PSME4: variants seen among roughly 807,000 people sequenced by gnomAD.
PSME4 encodes proteasome activator complex subunit 4.
A neutral mutation model predicts 253.9 loss-of-function variants in PSME4; 89 were observed. That is an observed-to-expected ratio of 0.35 (90% confidence interval 0.30 to 0.42). The LOEUF is 0.42. Among genes scored for constraint, PSME4 ranks in the 10% least tolerant of loss-of-function variants. The probability of loss-of-function intolerance (pLI) is 1.00; values close to 1 mark genes in which losing one functional copy is unlikely to be tolerated. For synonymous variants in PSME4, 851 were observed against 759.2 expected, an observed-to-expected ratio of 1.12 and a Z score of -1.99; for missense variants, 2,014 against 2,195.2, an observed-to-expected ratio of 0.92 and a Z score of 1.65.
At chr2:53,934,838 G>T in intron 7 of PSME4, 111 bp from the exon 8 acceptor site, 7 of 842,472 alleles carry the variant, frequency 8.3e-6, no homozygotes, top group Non-Finnish European at 1.2e-5. Flanking sequence ...TTATCACAAG[G>T]GTTTTTAAGT....
intron 10 of PSME4, among the ~76,000 whole-genome samples, chr2:53,930,936 A>C (rs1022560974): frequency 6.6e-6 from 1 of 152,176 alleles, no homozygotes; most frequent in African/African-American, 2.4e-5. Context: ...GTACAACAGA[A>C]AGCTTAAGTA....
At chr2:53,966,692 A>T (rs1294386861) in intron 1 of PSME4, among the ~76,000 whole-genome samples, 1 of 152,068 alleles carries the variant, frequency 6.6e-6, no homozygotes, top group African/African-American at 2.4e-5. Flanking sequence ...GGCAAAATCA[A>T]GTTTTTTGGG....
At chr2:53,890,254 C>G (rs770145390) in intron 36 of PSME4, 46 bp from the exon 37 acceptor site, 20 of 1,273,158 alleles carry the variant, frequency 1.6e-5, no homozygotes, top group Non-Finnish European at 2.1e-5. Flanking sequence ...ACACTCAGAA[C>G]ATTTTTCTTC....
intron 11 of PSME4, 44 bp from the exon 12 acceptor site, chr2:53,927,527 T>A: frequency 7.6e-7 from 1 of 1,319,104 alleles, no homozygotes; most frequent in Non-Finnish European, 1.1e-6. Flanking sequence ...ATAATTCTAA[T>A]TCAGAAATAC....
At chr2:53,879,546 A>C (rs1208349273) in intron 41 of PSME4, among the ~76,000 whole-genome samples, 2 of 152,202 alleles carry the variant, frequency 1.3e-5, no homozygotes, top group Non-Finnish European at 2.9e-5. Context: ...AACAGGAACC[A>C]AGAGTTTTCA....
intron 32 of PSME4, among the ~76,000 whole-genome samples, chr2:53,896,455 A>T (rs1299082902): frequency 6.6e-6 from 1 of 152,214 alleles, no homozygotes; most frequent in Non-Finnish European, 1.5e-5. Flanking sequence ...CTGGTAATAC[A>T]ATAAGGTATG....
intron 20 of PSME4, among the ~76,000 whole-genome samples, chr2:53,914,741 C>T (rs1667981377): frequency 1.3e-5 from 2 of 152,074 alleles, no homozygotes; most frequent in South Asian, 4.1e-4. Context: ...ATTAGCCGGG[C>T]ATGGTGGCAC....
chr2:53,892,562 T>C (rs1679957626), intron 36 of PSME4, among the ~76,000 whole-genome samples: 1 of 152,216 alleles, frequency 6.6e-6, no homozygotes, highest in South Asian at 2.1e-4. Context: ...TGGAATTCTT[T>C]TTTAATTTTT....
Position 53,921,628 on chromosome 2 carries a change from G to T in PSME4, c.2047-524C>A, listed in dbSNP as rs187002010. ...TCACGCCTGTAATCCCAGCACTTTG[G>T]GAGGCCGAGGCGGGCGGATCACGAG... On this transcript the variant is annotated intron_variant, in intron 17 of 46. Coordinates refer to ENST00000404125, the MANE Select transcript of PSME4 (RefSeq NM_014614.3). 4.3e-3 allele frequency among the ~76,000 whole-genome samples: 627 copies of T among 146,516 alleles called. 4 individuals are homozygous for T. The highest frequency in any genetic ancestry group is 0.015 in the African/African-American group (607 of 40,384).
intron 26 of PSME4, among the ~76,000 whole-genome samples, chr2:53,906,070 T>C (rs775286770): frequency 6.6e-6 from 1 of 152,188 alleles, no homozygotes; most frequent in Non-Finnish European, 1.5e-5. Flanking sequence ...TTCATAAAGA[T>C]AGAATAATTA....
chr2:53,914,180 C>G (rs763340498), intron 20 of PSME4, among the ~76,000 whole-genome samples: 16 of 152,154 alleles, frequency 1.1e-4, no homozygotes, highest in Non-Finnish European at 1.9e-4. Flanking sequence ...TTGAGTAACC[C>G]TGTTTTTTAG....
chr2:53,902,114 A>G (rs1214768099), intron 27 of PSME4, among the ~76,000 whole-genome samples: 2 of 152,196 alleles, frequency 1.3e-5, no homozygotes, highest in African/African-American at 4.8e-5. Context: ...TAATAAGGTA[A>G]TAAAGAAATG....
chr2:53,964,613 T>C (rs764114813), intron 1 of PSME4, among the ~76,000 whole-genome samples: 3 of 152,266 alleles, frequency 2.0e-5, no homozygotes, highest in Non-Finnish European at 4.4e-5. Context: ...GCATTTATTG[T>C]GTACTTCAAT....
At chr2:53,967,599 G>A (rs1670798808) in intron 1 of PSME4, among the ~76,000 whole-genome samples, 2 of 124,284 alleles carry the variant, frequency 1.6e-5, no homozygotes, top group African/African-American at 3.1e-5. Flanking sequence ...AGTGAGCCAC[G>A]ATAGTGCCAC....
intron 30 of PSME4, 101 bp downstream of exon 30, chr2:53,898,200 A>G (rs1274338127): frequency 2.4e-6 from 3 of 1,274,270 alleles, no homozygotes; most frequent in Non-Finnish European, 3.3e-6. Flanking sequence ...AAACCGGAAT[A>G]TAACTTTTTG....
At chr2:53,883,779 G>A (rs1292144693) in intron 41 of PSME4, among the ~76,000 whole-genome samples, 1 of 150,338 alleles carries the variant, frequency 6.7e-6, no homozygotes, top group Non-Finnish European at 1.5e-5. Flanking sequence ...CCATTCCCTT[G>A]ATGATCTCAT....
intron 31 of PSME4, 62 bp from the exon 32 acceptor site, chr2:53,896,947 G>T: frequency 8.2e-7 from 1 of 1,226,326 alleles, no homozygotes; most frequent in Non-Finnish European, 1.2e-6. Context: ...CTGGTTGTCT[G>T]CTTTACTCAA....
chr2:53,940,961 A>ATATATATACATATT (rs1558413825), intron 3 of PSME4, among the ~76,000 whole-genome samples: 1 of 45,926 alleles, frequency 2.2e-5, no homozygotes, highest in Non-Finnish European at 5.1e-5. Flanking sequence ...ACATATATAT[A>ATATATATACATATT]TATATATATA....
At chr2:53,941,459 A>G (rs1669451977) in intron 3 of PSME4, among the ~76,000 whole-genome samples, 1 of 151,936 alleles carries the variant, frequency 6.6e-6, no homozygotes, top group Non-Finnish European at 1.5e-5. Flanking sequence ...GCAAACTTCT[A>G]TCCAACTACG....
Sources: gnomAD v4.1 joint callset for allele counts (sites outside exome capture counted in the v4.1 genomes callset) on GRCh38, gnomAD v4.1.1 for gene constraint, MANE v1.5 for transcripts, NCBI Gene and HGNC (gene_info 2026-07-23, HGNC 2026-07-21) for gene names.